DAP3: variants seen among roughly 807,000 people sequenced by gnomAD.
DAP3 encodes small ribosomal subunit protein mS29.
A neutral mutation model predicts 51.9 loss-of-function variants in DAP3; 28 were observed. The ratio of observed to expected loss-of-function variants is 0.54; its 90% CI spans 0.40 to 0.74. The LOEUF is 0.74. Ranked by LOEUF, DAP3 falls within the 30% of genes least tolerant of loss-of-function variation. DAP3 has a pLI of 0.00. For synonymous variants in DAP3, 170 were observed against 170.3 expected (o/e 1.00, Z 0.01); for missense variants, 458 against 483.5 (o/e 0.95, Z 0.49).
At chr1:155,731,593 T>C (rs1225621344) in intron 10 of DAP3, 178 bp downstream of exon 10, 12 of 640,898 alleles carry the variant, frequency 1.9e-5, no homozygotes, top group Non-Finnish European at 3.1e-5. Context: ...TTAAAATCTA[T>C]ATATATGTGG....
Position 155,729,108 on chromosome 1 carries a change from G to A in DAP3, c.670G>A (p.Glu224Lys). The change falls in exon 8 of 13, where the codon GAA (glutamate) becomes AAA (lysine). Residue 224 changes from glutamate to lysine, a missense_variant. By Grantham distance (56) the Glu-to-Lys change is moderately conservative (BLOSUM62 1). Transcript: ENST00000368336. ...ESTEKGSPLG[E>K]VVEQGITRVR... is the part of the protein sequence containing the mutation. ...CACTGAGAAAGGGAGTCCTCTGGGA[G>A]AAGTGGTTGAACAGGTATAAGAAAA... is the stretch of plus-strand genomic sequence containing the variant. The A allele has an allele frequency of 6.2e-7, 1 of 1,614,162 alleles. No individual in the cohort carries two copies. Among genetic ancestry groups the A allele is most frequent in the East Asian group, 2.2e-5 (1 of 44,884 alleles).
chr1:155,720,654 AAAAAC>A (rs1388972702), intron 3 of DAP3, among the ~76,000 whole-genome samples: 2 of 151,994 alleles, frequency 1.3e-5, no homozygotes, highest in Admixed American at 6.6e-5. Flanking sequence ...ATCTCAAAAA[AAAAAC>A]AAAACAAACA....
chr1:155,717,187 C>A, intron 3 of DAP3, 59 bp downstream of exon 3: 1 of 1,579,190 alleles, frequency 6.3e-7, no homozygotes, highest in Non-Finnish European at 8.6e-7. Context: ...TTCCTGTCCT[C>A]ATTTTGCATA....
chr1:155,705,846 A>G (rs924388558), intron 1 of DAP3, among the ~76,000 whole-genome samples: 1 of 151,762 alleles, frequency 6.6e-6, no homozygotes, highest in Non-Finnish European at 1.5e-5. Flanking sequence ...GAAAACAGAC[A>G]TGCACCACCA....
intron 9 of DAP3, 92 bp from the exon 10 acceptor site, chr1:155,731,264 C>CAAA: frequency 2.0e-4 from 219 of 1,104,982 alleles, no homozygotes; most frequent in Middle Eastern, 2.3e-4. Context: ...GAGACTCTGT[C>CAAA]AAAAAAAAAA....
At chr1:155,706,583 A>G (rs1269395746) in intron 1 of DAP3, among the ~76,000 whole-genome samples, 1 of 151,984 alleles carries the variant, frequency 6.6e-6, no homozygotes, top group Non-Finnish European at 1.5e-5. Context: ...CCTGGCCAAC[A>G]TGGTGAAACC....
chr1:155,692,042 A>G lies in DAP3; in HGVS notation c.-8+2868A>G, dbSNP rs1048228681. On this transcript the variant is annotated intron_variant, in intron 1 of 12. Transcript: ENST00000368336. The stretch of plus-strand genomic sequence containing the variant: ...AGCAGATGTTCAGGGCGAAACAGTC[A>G]AAGGGAAGCAGTACGTCATACACAT... Among the ~76,000 whole-genome samples the G allele has an allele frequency of 2.1e-5, 3 of 141,754 alleles. 1 individual carries two copies. The highest frequency in any genetic ancestry group is 6.4e-5 in the African/African-American group (2 of 31,242). The allele number at this position is 141,754 out of a possible 152,430, so 93.0% of individuals were successfully genotyped here.
intron 2 of DAP3, among the ~76,000 whole-genome samples, chr1:155,712,676 C>T (rs1387156943): frequency 6.6e-6 from 1 of 151,242 alleles, no homozygotes; most frequent in Non-Finnish European, 1.5e-5. Context: ...CAAAAAGTAC[C>T]TGTAGTTTCA....
At chr1:155,717,271 A>G (rs1657452166) in intron 3 of DAP3, 143 bp downstream of exon 3, 1 of 1,315,514 alleles carries the variant, frequency 7.6e-7, no homozygotes, top group African/African-American at 1.5e-5. Flanking sequence ...GCACTCTGGA[A>G]CCCAGATTCT....
chr1:155,730,394 A>G (rs960450527), intron 9 of DAP3, among the ~76,000 whole-genome samples: 1 of 151,916 alleles, frequency 6.6e-6, no homozygotes, highest in Non-Finnish European at 1.5e-5. Context: ...GCTTGAGTCC[A>G]GGAGTTTGGA....
At chr1:155,726,108 C>CTT in intron 6 of DAP3, 89 bp downstream of exon 6, 1 of 901,996 alleles carries the variant, frequency 1.1e-6, no homozygotes, top group Non-Finnish European at 1.6e-6. Flanking sequence ...CTTTTCTTTT[C>CTT]TTTTCTTTTT....
At chr1:155,697,903 T>G (rs1195085799) in intron 1 of DAP3, among the ~76,000 whole-genome samples, 11 of 152,196 alleles carry the variant, frequency 7.2e-5, no homozygotes, top group Admixed American at 6.5e-4. Context: ...AGCAGCGATT[T>G]TACAGATGTC....
intron 1 of DAP3, chr1:155,689,755 TAC>T: frequency 5.1e-6 from 1 of 194,828 alleles, no homozygotes; most frequent in Non-Finnish European, 1.1e-5. Flanking sequence ...CTACTAAAAA[TAC>T]AAATATTAGC....
intron 1 of DAP3, among the ~76,000 whole-genome samples, chr1:155,697,510 C>T (rs1038153230): frequency 6.6e-6 from 1 of 152,070 alleles, no homozygotes; most frequent in Non-Finnish European, 1.5e-5. Flanking sequence ...CACATTTCAG[C>T]AGGTTCCATG....
intron 4 of DAP3, among the ~76,000 whole-genome samples, chr1:155,724,192 A>C (rs2149180811): frequency 6.6e-6 from 1 of 152,318 alleles, no homozygotes; most frequent in South Asian, 2.1e-4. Context: ...GTATTCTGGT[A>C]GCAAAAGGGG....
intron 3 of DAP3, among the ~76,000 whole-genome samples, chr1:155,719,747 C>T (rs1657771227): frequency 6.6e-6 from 1 of 151,684 alleles, no homozygotes; most frequent in Admixed American, 6.6e-5. Context: ...CAGGCTTTCA[C>T]CCTCTTGGCC....
chr1:155,721,828 A>T, intron 4 of DAP3: 1 of 539,674 alleles, frequency 1.9e-6, no homozygotes, highest in Non-Finnish European at 3.3e-6. Context: ...ATAGCCCAAG[A>T]AGATTCCAGT....
At chr1:155,688,147 T>A, upstream of DAP3, 5 of 1,613,700 alleles carry the variant, frequency 3.1e-6, no homozygotes, top group Middle Eastern at 1.7e-4. Context: ...TCCGCTTCCC[T>A]GGGTCCACCG....
upstream of DAP3, chr1:155,688,978 G>A (rs745307798): frequency 2.5e-6 from 4 of 1,607,356 alleles, no homozygotes; most frequent in Admixed American, 1.7e-5. Context: ...CTCCTCCATG[G>A]GACCGCGGCG....
Sources: allele counts gnomAD v4.1 joint callset (sites outside exome capture counted in the v4.1 genomes callset), GRCh38; gene constraint gnomAD v4.1.1; transcripts MANE v1.5; gene names NCBI Gene and HGNC (gene_info 2026-07-23, HGNC 2026-07-21).